TBK1: variants seen among roughly 807,000 people sequenced by gnomAD.
TBK1 encodes TANK binding kinase 1.
A neutral mutation model predicts 99.9 loss-of-function variants in TBK1; 37 were observed. The observed-to-expected ratio is 0.37, with a 90% CI of 0.28 to 0.49. The LOEUF (loss-of-function observed/expected upper bound fraction) is 0.49. Ranked by LOEUF, TBK1 falls within the 20% of genes least tolerant of loss-of-function variation. The pLI is 0.98. For synonymous variants in TBK1, 258 were observed against 279.8 expected, an observed-to-expected ratio of 0.92 and a Z score of 0.78; for missense variants, 644 against 872.5, an observed-to-expected ratio of 0.74 and a Z score of 3.30.
chr12:64,456,094 C>A, intron 2 of TBK1, 137 bp downstream of exon 2: 1 of 663,228 alleles, frequency 1.5e-6, no homozygotes, highest in Non-Finnish European at 2.6e-6. Flanking sequence ...TTTTCGTGGT[C>A]ATTTAAGGCA....
chr12:64,463,769 TG>T (rs2040573962), intron 3 of TBK1, among the ~76,000 whole-genome samples: 1 of 152,106 alleles, frequency 6.6e-6, no homozygotes, highest in East Asian at 1.9e-4. Context: ...CCAATGATTT[TG>T]TAGTTCAGAT....
chr12:64,466,603 G>A (rs986082301), intron 4 of TBK1, among the ~76,000 whole-genome samples: 4 of 151,976 alleles, frequency 2.6e-5, no homozygotes, highest in Non-Finnish European at 5.9e-5. Context: ...TATAACCAAA[G>A]TAATTCAAGA....
At chr12:64,499,423 C>T (rs1229272529) in intron 20 of TBK1, among the ~76,000 whole-genome samples, 1 of 152,072 alleles carries the variant, frequency 6.6e-6, no homozygotes, top group East Asian at 1.9e-4. Flanking sequence ...GAATGTATAA[C>T]ATCTTTTAAA....
chr12:64,472,700 A>G (rs1210081129), intron 5 of TBK1, among the ~76,000 whole-genome samples: 2 of 152,202 alleles, frequency 1.3e-5, no homozygotes, highest in African/African-American at 4.8e-5. Context: ...CCTGGGCTAC[A>G]CTGGAAGAAT....
intron 6 of TBK1, 96 bp from the exon 7 acceptor site, chr12:64,479,916 A>G: frequency 1.4e-6 from 1 of 700,388 alleles, no homozygotes; most frequent in Non-Finnish European, 2.4e-6. Context: ...CTAGTAGATA[A>G]TTGTAGGTGC....
rs371915560 is a variant in TBK1 at position 64,481,990 on chromosome 12, G to A, written c.961G>A (p.Ala321Thr). The change falls in exon 8 of 21, where the codon GCT (alanine) becomes ACT (threonine). Residue 321 changes from alanine to threonine, a missense_variant. Physicochemically the swap from Ala to Thr is moderately conservative, Grantham distance 58 (BLOSUM62 0). Transcript: ENST00000331710. ...TGTTTTTTCGCTACAACAAATGACA[G>A]CTCATAAGATTTATATTCATAGCTA... The part of the protein sequence containing the change: ...IHVFSLQQMT[A>T]HKIYIHSYNT... The A allele has an allele frequency of 5.0e-6, 8 of 1,600,400 alleles. No homozygotes were observed. The African/African-American group carries it at 1.1e-4, about 22-fold the overall frequency.
At chr12:64,463,107 C>T (rs2040564052) in intron 3 of TBK1, among the ~76,000 whole-genome samples, 1 of 152,194 alleles carries the variant, frequency 6.6e-6, no homozygotes, top group African/African-American at 2.4e-5. Flanking sequence ...TGTGGTGACT[C>T]ACGCCTGTAA....
chr12:64,481,245 A>G (rs1158675907), intron 7 of TBK1, among the ~76,000 whole-genome samples: 1 of 152,164 alleles, frequency 6.6e-6, no homozygotes, highest in East Asian at 1.9e-4. Flanking sequence ...GTAAATAATT[A>G]TATTGCCAAA....
Position 64,486,123 on chromosome 12 carries a change from A to G in TBK1, c.1340+106A>G, listed in dbSNP as rs7487627. The G allele has an allele frequency of 0.29, 185,554 of 638,266 alleles. 29,428 individuals carry two copies. The highest frequency in any genetic ancestry group is 0.51 in the East Asian group (16,615 of 32,884). 39.5% of individuals were successfully genotyped at this position (638,266 alleles called of 1,614,324 possible). On this transcript the variant is annotated intron_variant, in intron 11 of 20. Transcript: ENST00000331710. ...TTAGGTTAGGTGCTTGATTTTTATT[A>G]TAATACATTTGTTTCACATTTAGTT...
chr12:64,468,727 A>G (rs1017440888), intron 5 of TBK1, among the ~76,000 whole-genome samples: 4 of 152,212 alleles, frequency 2.6e-5, no homozygotes, highest in Non-Finnish European at 4.4e-5. Context: ...AAATTAAGGT[A>G]ATAAGATAAA....
chr12:64,481,919 A>G lies in TBK1; in HGVS notation c.890A>G (p.Gln297Arg). ...ADQEKCWGFD[Q>R]FFAETSDILH... ...CAGGAAAAGTGTTGGGGTTTTGACCAGTTTTTTGCAGAAACTAGTGATATA... is the reference window on the plus strand; with the variant it reads ...CAGGAAAAGTGTTGGGGTTTTGACCGGTTTTTTGCAGAAACTAGTGATATA... Residue 297 changes from glutamine to arginine, a missense_variant, in exon 8 of 21, where the codon CAG becomes CGG. Physicochemically the swap from Gln to Arg is conservative, Grantham distance 43. This residue lies in a region of TBK1 where 465 missense variants were observed against 588.0 expected (regional missense o/e 0.79). Coordinates refer to ENST00000331710, the MANE Select transcript of TBK1 (RefSeq NM_013254.4). The G allele has an allele frequency of 6.2e-7, 1 of 1,612,398 alleles. No individual in the cohort carries two copies.
chr12:64,460,257 A>G lies in TBK1; in HGVS notation c.156A>G (p.Gln52=), dbSNP rs774600423. The G allele has an allele frequency of 6.3e-6, 10 of 1,588,228 alleles. No individual in the cohort carries two copies. Among genetic ancestry groups the G allele is most frequent in the Non-Finnish European group, 8.6e-6 (10 of 1,166,250 alleles). ...GCTTCCTTCGTCCAGTGGATGTTCA[A>G]ATGAGAGAATTTGAAGTGTTGAAAA... is the stretch of plus-strand genomic sequence containing the variant. The part of the protein sequence containing the change: ...NISFLRPVDV[Q]MREFEVLKKL... Residue 52 remains glutamine, a synonymous_variant, in exon 3 of 21, where the codon CAA becomes CAG. Transcript: ENST00000331710.
intron 8 of TBK1, among the ~76,000 whole-genome samples, chr12:64,482,610 G>A (rs1443507367): frequency 2.6e-5 from 4 of 152,122 alleles, no homozygotes; most frequent in East Asian, 1.9e-4. Flanking sequence ...CACTGGTTCC[G>A]TAAGATTATA....
At chr12:64,458,186 A>T (rs2040509704) in intron 2 of TBK1, among the ~76,000 whole-genome samples, 1 of 151,970 alleles carries the variant, frequency 6.6e-6, no homozygotes. Flanking sequence ...TTTCCTAGGG[A>T]TGTGCTTTGA....
intron 5 of TBK1, 108 bp from the exon 6 acceptor site, chr12:64,474,122 T>C: frequency 2.7e-6 from 3 of 1,091,078 alleles, no homozygotes. Context: ...GAAAGTGAAG[T>C]TATTAGGAAA....
intron 5 of TBK1, among the ~76,000 whole-genome samples, chr12:64,473,618 G>C (rs2040682308): frequency 6.6e-6 from 1 of 152,142 alleles, no homozygotes; most frequent in African/African-American, 2.4e-5. Context: ...TGACTGGAAA[G>C]TAGGCCTGGA....
At chr12:64,477,898 A>G (rs1565818329) in intron 6 of TBK1, among the ~76,000 whole-genome samples, 1 of 152,248 alleles carries the variant, frequency 6.6e-6, no homozygotes, top group South Asian at 2.1e-4. Context: ...AAGCCAAGGA[A>G]GAGATGGATT....
chr12:64,452,469 G>T (rs1423491804), intron 1 of TBK1: 2 of 152,282 alleles, frequency 1.3e-5, no homozygotes, highest in African/African-American at 2.4e-5. Context: ...TCCGCGCCGC[G>T]CGGCCGGTCC....
intron 14 of TBK1, 36 bp downstream of exon 14, chr12:64,495,640 T>C (rs1290797902): frequency 2.5e-6 from 4 of 1,612,848 alleles, no homozygotes; most frequent in Non-Finnish European, 3.4e-6. Flanking sequence ...TCTGCTCTTA[T>C]TAATGTCCTT....
Sources: gnomAD v4.1 joint callset for allele counts (sites outside exome capture counted in the v4.1 genomes callset) on GRCh38, gnomAD v4.1.1 for gene constraint, gnomAD v4.1.1 regional missense constraint, MANE v1.5 for transcripts, NCBI Gene and HGNC (gene_info 2026-07-23, HGNC 2026-07-21) for gene names.